Variants in REEP1 observed in about 807,000 individuals in gnomAD.
REEP1 encodes the protein receptor expression-enhancing protein 1.
In REEP1, 22 loss-of-function variants were observed where a neutral mutation model predicts 40.3. That is an observed-to-expected ratio of 0.55 (90% confidence interval 0.39 to 0.78). The LOEUF is 0.78. Among genes scored for constraint, REEP1 ranks in the 30% least tolerant of loss-of-function variants. REEP1 has a pLI of 0.00. For missense variants in REEP1, 280 were observed against 361.1 expected (o/e 0.78, Z 1.82); for synonymous variants, 116 against 139.2 (o/e 0.83, Z 1.17).
chr2:86,228,580 T>TC, intron 6 of REEP1, among the ~76,000 whole-genome samples: 1 of 151,884 alleles, frequency 6.6e-6, no homozygotes, highest in Non-Finnish European at 1.5e-5. Flanking sequence ...AGCCTCAGCC[T>TC]CCCGAGTAGC....
intron 3 of REEP1, 113 bp from the exon 4 acceptor site, chr2:86,254,927 AAGTTTCCCAG>A: frequency 1.7e-6 from 2 of 1,191,336 alleles, no homozygotes; most frequent in Non-Finnish European, 2.4e-6. Context: ...ATGTGGCTGC[AAGTTTCCCAG>A]ATTCCTCTGT....
At chr2:86,288,378 G>A (rs146894009) in intron 1 of REEP1, among the ~76,000 whole-genome samples, 268 of 152,156 alleles carry the variant, frequency 1.8e-3, no homozygotes, top group African/African-American at 6.3e-3. Flanking sequence ...GGCTGGTCCC[G>A]AACTCCTGGA....
intron 5 of REEP1, among the ~76,000 whole-genome samples, chr2:86,238,847 G>A (rs1192076513): frequency 1.3e-5 from 2 of 151,998 alleles, no homozygotes; most frequent in Non-Finnish European, 2.9e-5. Flanking sequence ...CACTGAGAGC[G>A]GCCACTTCAA....
At chr2:86,330,260 T>C (rs1370853469) in intron 1 of REEP1, among the ~76,000 whole-genome samples, 1 of 152,162 alleles carries the variant, frequency 6.6e-6, no homozygotes, top group East Asian at 1.9e-4. Context: ...TCATTCAACA[T>C]ATATGCTGGT....
intron 1 of REEP1, among the ~76,000 whole-genome samples, chr2:86,325,078 C>T (rs906852005): frequency 2.6e-5 from 4 of 152,012 alleles, no homozygotes; most frequent in Non-Finnish European, 5.9e-5. Flanking sequence ...AGCCCAAAAA[C>T]GGAGACAAAA....
At chr2:86,332,204 A>G (rs770364198) in intron 1 of REEP1, among the ~76,000 whole-genome samples, 1 of 152,028 alleles carries the variant, frequency 6.6e-6, no homozygotes, top group Non-Finnish European at 1.5e-5. Context: ...AAGAATCCCA[A>G]TTCCCTTCCC....
In REEP1 at chr2:86,337,370, G is replaced by T. The variant is rs971197376; in HGVS notation, c.32+109C>A. 36 of 657,216 alleles carry T rather than the reference G, an allele frequency of 5.5e-5. No homozygotes were observed. In the African/African-American group the frequency reaches 6.4e-4, roughly 12 times the overall value. 40.7% of individuals were successfully genotyped at this position (657,216 alleles called of 1,614,324 possible). A position where few individuals can be genotyped will look rare whatever the true frequency, so the allele number is the denominator to read the frequency against. On this transcript the variant is annotated intron_variant, in intron 1 of 8. Transcript: ENST00000538924. The surrounding 1 kb of genome is among the most constrained non-coding windows in gnomAD (Gnocchi z 5.8). Reference sequence around the variant, plus strand: ...TACCTGCTAAATTTAGCTGCGCCGGGTATTAATAGCCCGAGCCACTGGGAC... The same window carrying T: ...TACCTGCTAAATTTAGCTGCGCCGGTTATTAATAGCCCGAGCCACTGGGAC...
intron 7 of REEP1, among the ~76,000 whole-genome samples, chr2:86,221,050 T>C (rs944603127): frequency 3.3e-5 from 5 of 151,958 alleles, no homozygotes; most frequent in African/African-American, 1.2e-4. Flanking sequence ...GACTAAGGGG[T>C]TCTCAAGTCA....
intron 3 of REEP1, among the ~76,000 whole-genome samples, chr2:86,260,113 G>A (rs1676776866): frequency 6.6e-6 from 1 of 152,150 alleles, no homozygotes; most frequent in African/African-American, 2.4e-5. Flanking sequence ...CAGGGTGAGA[G>A]GAAGGAAGGA....
chr2:86,218,224 G>T (rs1286078297), intron 8 of REEP1, among the ~76,000 whole-genome samples: 1 of 152,140 alleles, frequency 6.6e-6, no homozygotes, highest in African/African-American at 2.4e-5. Context: ...CACCTCCTTT[G>T]TTCTCTCATG....
intron 1 of REEP1, among the ~76,000 whole-genome samples, chr2:86,331,193 C>T (rs1345428859): frequency 6.6e-6 from 1 of 152,176 alleles, no homozygotes; most frequent in African/African-American, 2.4e-5. Flanking sequence ...TCATATCTTC[C>T]CAACTCTGGA....
At chr2:86,313,222 G>A (rs568389279) in intron 1 of REEP1, among the ~76,000 whole-genome samples, 6 of 151,458 alleles carry the variant, frequency 4.0e-5, no homozygotes, top group Non-Finnish European at 8.8e-5. Flanking sequence ...TGATCCTCCC[G>A]CCTCAGGCTC....
At chr2:86,255,019 C>G (rs907427216) in intron 3 of REEP1, 1 of 511,470 alleles carries the variant, frequency 2.0e-6, no homozygotes, top group East Asian at 3.3e-5. Flanking sequence ...CTTTGAAAAC[C>G]AGTTCGTGTT....
At chr2:86,304,316 G>C (rs1679389283) in intron 1 of REEP1, among the ~76,000 whole-genome samples, 1 of 152,190 alleles carries the variant, frequency 6.6e-6, no homozygotes, top group Admixed American at 6.5e-5. Flanking sequence ...GCAGTAACTA[G>C]ATAAAAGATG....
At chr2:86,327,512 T>C (rs2104531772) in intron 1 of REEP1, among the ~76,000 whole-genome samples, 1 of 151,660 alleles carries the variant, frequency 6.6e-6, no homozygotes, top group Non-Finnish European at 1.5e-5. Context: ...CTTTGAGTTT[T>C]ACTCTTAGTG....
intron 6 of REEP1, among the ~76,000 whole-genome samples, chr2:86,230,060 G>A (rs564590197): frequency 3.5e-4 from 53 of 152,332 alleles, no homozygotes; most frequent in African/African-American, 1.2e-3. Context: ...CCAGCAGTGA[G>A]GAGGGCTGGG....
intron 5 of REEP1, among the ~76,000 whole-genome samples, chr2:86,248,841 T>C (rs981909860): frequency 6.6e-6 from 1 of 152,244 alleles, no homozygotes; most frequent in East Asian, 1.9e-4. Flanking sequence ...CAATAAATTA[T>C]ATAGTCACCC....
chr2:86,292,388 C>G (rs1426327819), intron 1 of REEP1, among the ~76,000 whole-genome samples: 2 of 152,174 alleles, frequency 1.3e-5, no homozygotes, highest in African/African-American at 4.8e-5. Flanking sequence ...GTGCTGAGCA[C>G]CTACTGTGTG....
intron 1 of REEP1, among the ~76,000 whole-genome samples, chr2:86,287,997 G>A (rs1678486884): frequency 6.6e-6 from 1 of 151,566 alleles, no homozygotes; most frequent in Non-Finnish European, 1.5e-5. Context: ...TGTCTTTCTA[G>A]ATCATTTTTT....
Sources: allele counts gnomAD v4.1 joint callset (sites outside exome capture counted in the v4.1 genomes callset), GRCh38; gene constraint gnomAD v4.1.1; non-coding constraint Gnocchi (gnomAD v3.1); transcripts MANE v1.5; gene names NCBI Gene and HGNC (gene_info 2026-07-23, HGNC 2026-07-21).